Variants in CDH4 observed in about 807,000 individuals in gnomAD.
CDH4 encodes the protein cadherin 4.
CDH4 carries 33 observed loss-of-function variants against 86.0 expected under a neutral mutation model. That is an observed-to-expected ratio of 0.38 (90% confidence interval 0.29 to 0.51). The LOEUF (loss-of-function observed/expected upper bound fraction) is 0.51, where lower values mean the gene tolerates loss of function less well. CDH4 is among the 20% of genes least tolerant of loss of function. CDH4 has a pLI of 0.86. For missense variants in CDH4, 1,114 were observed against 1,307.4 expected, an observed-to-expected ratio of 0.85 and a Z score of 2.28; for synonymous variants, 555 against 549.4, an observed-to-expected ratio of 1.01 and a Z score of -0.14.
chr20:61,467,103 A>G (rs956870542), intron 2 of CDH4, among the ~76,000 whole-genome samples: 1 of 152,212 alleles, frequency 6.6e-6, no homozygotes, highest in Non-Finnish European at 1.5e-5. Context: ...TAGTTCCTGT[A>G]AACTACTGAT....
intron 2 of CDH4, among the ~76,000 whole-genome samples, chr20:61,267,670 T>C (rs187581855): frequency 1.3e-5 from 2 of 152,338 alleles, no homozygotes; most frequent in Admixed American, 1.3e-4. Flanking sequence ...ATAGATATAC[T>C]GTAAATATTT....
intron 2 of CDH4, among the ~76,000 whole-genome samples, chr20:61,613,938 G>T (rs1381334181): frequency 2.0e-5 from 3 of 152,052 alleles, no homozygotes; most frequent in Admixed American, 6.5e-5. Flanking sequence ...TTAAATGTTT[G>T]TATGTCTTGG....
chr20:61,831,958 G>A (rs931372082), intron 4 of CDH4, among the ~76,000 whole-genome samples: 2 of 152,248 alleles, frequency 1.3e-5, no homozygotes, highest in Non-Finnish European at 2.9e-5. Flanking sequence ...GGGCAGGAGC[G>A]GCTGGAGCCT....
intron 2 of CDH4, among the ~76,000 whole-genome samples, chr20:61,677,767 T>TTAAA (rs1568750146): frequency 1.1e-5 from 1 of 93,174 alleles, no homozygotes; most frequent in Non-Finnish European, 2.3e-5. Flanking sequence ...GGATGGATGG[T>TTAAA]TAGATAGATG....
intron 6 of CDH4, among the ~76,000 whole-genome samples, chr20:61,865,342 T>A (rs946899484): frequency 1.6e-4 from 25 of 152,190 alleles, no homozygotes; most frequent in African/African-American, 6.0e-4. Context: ...GGCTGGTTAG[T>A]GTAGATAATG....
rs1302894713 is a variant in CDH4 at position 61,598,025 on chromosome 20, T to C, written c.170-145538T>C. On this transcript the variant is annotated intron_variant, in intron 2 of 15. Transcript: ENST00000614565. ...AAAAAGCCCCTTTAGGGCTCCTGAA[T>C]TGTCAGCAGGTTAAATCCCAAGCCC... Among the ~76,000 whole-genome samples the C allele has an allele frequency of 3.3e-5, 5 of 152,190 alleles. No individual in the cohort carries two copies. In the East Asian group the frequency reaches 7.7e-4, roughly 23 times the overall value.
chr20:61,714,852 A>G (rs1166597890), intron 2 of CDH4, among the ~76,000 whole-genome samples: 1 of 152,210 alleles, frequency 6.6e-6, no homozygotes, highest in Non-Finnish European at 1.5e-5. Context: ...GCAATTGTGA[A>G]TTGTGCTGTG....
intron 13 of CDH4, among the ~76,000 whole-genome samples, chr20:61,932,488 A>G (rs1189571041): frequency 6.6e-6 from 1 of 152,132 alleles, no homozygotes; most frequent in African/African-American, 2.4e-5. Flanking sequence ...CCCCATGAGC[A>G]TACACAGACA....
At chr20:61,702,711 T>G (rs1289338411) in intron 2 of CDH4, among the ~76,000 whole-genome samples, 1 of 152,224 alleles carries the variant, frequency 6.6e-6, no homozygotes, top group Admixed American at 6.5e-5. Flanking sequence ...TCAAAAGTGC[T>G]TAGTAAATCC....
intron 6 of CDH4, among the ~76,000 whole-genome samples, chr20:61,861,715 C>T (rs1983333723): frequency 6.6e-6 from 1 of 152,192 alleles, no homozygotes; most frequent in South Asian, 2.1e-4. Context: ...CACGTTGTCA[C>T]GAGGTGGCTG....
At chr20:61,846,903 G>T (rs1454396187) in intron 5 of CDH4, among the ~76,000 whole-genome samples, 1 of 152,206 alleles carries the variant, frequency 6.6e-6, no homozygotes, top group African/African-American at 2.4e-5. Context: ...CCCTGGTGTG[G>T]CATCGCAGAT....
At position 61,910,308 on chromosome 20, in the gene CDH4, C is replaced by G. The variant is rs2054835759; in HGVS notation, c.1189-114C>G. Reference sequence around the variant, plus strand: ...TTTGTGAACACTCGAGCTGGGCTGACACGGTGTGTTCTGTTTGTGAACACT... The same window carrying G: ...TTTGTGAACACTCGAGCTGGGCTGAGACGGTGTGTTCTGTTTGTGAACACT... On this transcript the variant is annotated intron_variant, in intron 8 of 15. Transcript: ENST00000614565. 6 of 887,388 alleles carry G rather than the reference C, an allele frequency of 6.8e-6. No individual in the cohort carries two copies. In the Admixed American group the frequency reaches 1.3e-4, roughly 19 times the overall value. 55.0% of individuals were successfully genotyped at this position (887,388 alleles called of 1,614,324 possible). A position where few individuals can be genotyped will look rare whatever the true frequency, so the allele number is the denominator to read the frequency against.
intron 2 of CDH4, among the ~76,000 whole-genome samples, chr20:61,273,173 TACCATGTGCAGTTTGGGGGAGC>T (rs2084194425): frequency 2.6e-5 from 2 of 76,828 alleles, no homozygotes; most frequent in Non-Finnish European, 4.8e-5. Flanking sequence ...ATTGGGGGAG[TACCATGTGCAGTTTGGGGGAGC>T]ACCATGCGCA....
At chr20:61,919,864 C>T (rs554591041) in intron 9 of CDH4, among the ~76,000 whole-genome samples, 167 of 3,696 alleles carry the variant, frequency 0.045, 1 homozygote, top group Middle Eastern at 0.1. Context: ...CATGGTGTCG[C>T]GGTGATTGCA....
chr20:61,868,993 C>T (rs2146141412), intron 6 of CDH4, among the ~76,000 whole-genome samples: 2 of 152,252 alleles, frequency 1.3e-5, no homozygotes, highest in Non-Finnish European at 2.9e-5. Context: ...GTGGTGGACA[C>T]ACACAAAGCC....
intron 4 of CDH4, among the ~76,000 whole-genome samples, chr20:61,789,704 A>T (rs1017157855): frequency 2.0e-5 from 3 of 152,262 alleles, no homozygotes; most frequent in Admixed American, 6.5e-5. Flanking sequence ...GCAAACCGAC[A>T]TGCAGGCCCA....
At chr20:61,894,725 T>TA (rs1985016971) in intron 7 of CDH4, among the ~76,000 whole-genome samples, 185 bp from the exon 8 acceptor site, 1 of 152,180 alleles carries the variant, frequency 6.6e-6, no homozygotes, top group South Asian at 2.1e-4. Context: ...AGGAGAAACT[T>TA]ACTCCGACAG....
chr20:61,268,676 A>C (rs1003738190), intron 2 of CDH4, among the ~76,000 whole-genome samples: 3 of 151,984 alleles, frequency 2.0e-5, no homozygotes, highest in Non-Finnish European at 4.4e-5. Flanking sequence ...ATCCTTATAG[A>C]AAGAGCCTGG....
chr20:61,822,594 C>T (rs1981104235), intron 4 of CDH4, among the ~76,000 whole-genome samples: 1 of 152,140 alleles, frequency 6.6e-6, no homozygotes, highest in African/African-American at 2.4e-5. Flanking sequence ...GTGAGGGACA[C>T]CATGGCGTCA....
Sources: gnomAD v4.1 joint callset for allele counts (sites outside exome capture counted in the v4.1 genomes callset) on GRCh38, gnomAD v4.1.1 for gene constraint, MANE v1.5 for transcripts, NCBI Gene and HGNC (gene_info 2026-07-23, HGNC 2026-07-21) for gene names.